Variants in CDKL4 observed in about 807,000 individuals in gnomAD.
CDKL4 encodes the protein cyclin dependent kinase like 4.
CDKL4 carries 44 observed loss-of-function variants against 42.0 expected under a neutral mutation model. The ratio of observed to expected loss-of-function variants is 1.05; its 90% CI spans 0.82 to 1.35. The LOEUF (loss-of-function observed/expected upper bound fraction) is 1.35, where lower values mean the gene tolerates loss of function less well. Among genes scored for constraint, CDKL4 ranks in the 40% most tolerant of loss-of-function variants. CDKL4 has a pLI of 0.00. For missense variants in CDKL4, 393 were observed against 369.9 expected (o/e 1.06, Z -0.51); for synonymous variants, 120 against 121.6 (o/e 0.99, Z 0.09).
chr2:39,184,211 T>A (rs942085119), intron 8 of CDKL4, among the ~76,000 whole-genome samples: 4 of 152,236 alleles, frequency 2.6e-5, no homozygotes, highest in African/African-American at 9.6e-5. Flanking sequence ...GAGCTTTTGG[T>A]ATACACAATG....
At chr2:39,229,366 T>C in exon 2 of CDKL4, 1 of 1,582,736 alleles carries the variant, frequency 6.3e-7, no homozygotes, top group Non-Finnish European at 8.6e-7. Context: ...TTAACTTACC[T>C]TCAACATACG....
chr2:39,203,648 G>C (rs1202739858), intron 5 of CDKL4, among the ~76,000 whole-genome samples: 1 of 152,032 alleles, frequency 6.6e-6, no homozygotes, highest in African/African-American at 2.4e-5. Flanking sequence ...ATTTTCCGAT[G>C]CCACTGAAAC....
intron 6 of CDKL4, among the ~76,000 whole-genome samples, chr2:39,189,041 A>G (rs548364614): frequency 5.3e-5 from 8 of 152,352 alleles, no homozygotes; most frequent in African/African-American, 1.9e-4. Flanking sequence ...GTAAATTTCC[A>G]GAATCTTTTT....
chr2:39,226,024 C>A, intron 2 of CDKL4, 64 bp from the exon 3 acceptor site: 1 of 1,439,562 alleles, frequency 6.9e-7, no homozygotes, highest in Non-Finnish European at 9.2e-7. Flanking sequence ...TACCCAGACC[C>A]CTTAAAGAAA....
At chr2:39,241,580 C>T (rs554154731) in intron 1 of CDKL4, among the ~76,000 whole-genome samples, 6 of 152,286 alleles carry the variant, frequency 3.9e-5, no homozygotes, top group South Asian at 2.1e-4. Context: ...CCCAATTTAC[C>T]TTGCCAGCAT....
chr2:39,243,236 T>C (rs1156526301), intron 1 of CDKL4, among the ~76,000 whole-genome samples: 1 of 150,956 alleles, frequency 6.6e-6, no homozygotes, highest in Non-Finnish European at 1.5e-5. Context: ...ACCTCCTATG[T>C]TGTTATTGTT....
chr2:39,240,406 G>A (rs981504162), intron 1 of CDKL4, among the ~76,000 whole-genome samples: 14 of 148,474 alleles, frequency 9.4e-5, no homozygotes, highest in Non-Finnish European at 1.6e-4. Context: ...GGGGACAAGA[G>A]CGAGACTTCG....
intron 1 of CDKL4, among the ~76,000 whole-genome samples, chr2:39,239,496 A>T (rs1008056049): frequency 1.3e-5 from 2 of 152,276 alleles, no homozygotes; most frequent in South Asian, 2.1e-4. Flanking sequence ...CATAGAGAGC[A>T]TGCTTACAAC....
intron 5 of CDKL4, among the ~76,000 whole-genome samples, chr2:39,197,925 A>G (rs1158604285): frequency 6.6e-6 from 1 of 150,574 alleles, no homozygotes; most frequent in Non-Finnish European, 1.5e-5. Flanking sequence ...AAACAGCAAC[A>G]CAATGAAAAA....
chr2:39,177,702 A>AT (rs1328986792), intron 9 of CDKL4, among the ~76,000 whole-genome samples: 1 of 142,482 alleles, frequency 7.0e-6, no homozygotes, highest in East Asian at 2.1e-4. Flanking sequence ...TTTTATTATT[A>AT]TTTTTGAGAT....
At chr2:39,246,145 A>G (rs907224389), upstream of CDKL4, among the ~76,000 whole-genome samples, 1 of 152,182 alleles carries the variant, frequency 6.6e-6, no homozygotes, top group Non-Finnish European at 1.5e-5. Flanking sequence ...ATACTTCCCT[A>G]AACAGGTGAC....
At chr2:39,246,156 T>A (rs1405311513), upstream of CDKL4, among the ~76,000 whole-genome samples, 1 of 152,166 alleles carries the variant, frequency 6.6e-6, no homozygotes, top group African/African-American at 2.4e-5. Flanking sequence ...AACAGGTGAC[T>A]CTCTTCTCCT....
chr2:39,219,091 T>C (rs531970095), intron 3 of CDKL4, among the ~76,000 whole-genome samples: 2 of 152,346 alleles, frequency 1.3e-5, no homozygotes, highest in Admixed American at 6.5e-5. Flanking sequence ...TGTCCGTTAT[T>C]ATAGCCCCAG....
intron 3 of CDKL4, among the ~76,000 whole-genome samples, chr2:39,215,717 T>A (rs1677875980): frequency 6.6e-6 from 1 of 152,012 alleles, no homozygotes; most frequent in African/African-American, 2.4e-5. Context: ...GCTACAAGAG[T>A]CTGAAGTATA....
chr2:39,220,693 TTC>T (rs1436561914), intron 3 of CDKL4, among the ~76,000 whole-genome samples: 2 of 151,772 alleles, frequency 1.3e-5, no homozygotes, highest in Non-Finnish European at 2.9e-5. Context: ...GTTCAAGCAA[TTC>T]TGTCTCAGCC....
At chr2:39,170,741 C>T (rs1235140866), downstream of CDKL4, among the ~76,000 whole-genome samples, 1 of 152,042 alleles carries the variant, frequency 6.6e-6, no homozygotes, top group African/African-American at 2.4e-5. Flanking sequence ...AGATGTGAGT[C>T]ACCACACCTG....
At chr2:39,186,908 A>C (rs1292053237) in intron 7 of CDKL4, among the ~76,000 whole-genome samples, 1 of 152,206 alleles carries the variant, frequency 6.6e-6, no homozygotes, top group African/African-American at 2.4e-5. Flanking sequence ...ATTTTTGAAT[A>C]GATAAGACAA....
chr2:39,229,645 G>A (rs756911318), intron 1 of CDKL4, 57 bp from the exon 2 acceptor site: 6 of 760,258 alleles, frequency 7.9e-6, no homozygotes, highest in Non-Finnish European at 1.2e-5. Flanking sequence ...GTTCTCACAG[G>A]TTATATACAA....
At chr2:39,244,167 T>A (rs908883494), upstream of CDKL4, among the ~76,000 whole-genome samples, 1 of 152,228 alleles carries the variant, frequency 6.6e-6, no homozygotes, top group African/African-American at 2.4e-5. Flanking sequence ...GGGCTCCCAC[T>A]TTGGCGGCAC....
Sources: gnomAD v4.1 joint callset for allele counts (sites outside exome capture counted in the v4.1 genomes callset) on GRCh38, gnomAD v4.1.1 for gene constraint, MANE v1.5 for transcripts, NCBI Gene and HGNC (gene_info 2026-07-23, HGNC 2026-07-21) for gene names.